RAPGEF4: variants seen among roughly 807,000 people sequenced by gnomAD.
The protein encoded by RAPGEF4 is Rap guanine nucleotide exchange factor 4, also known as RAP guanine-nucleotide-exchange factor (GEF) 4.
RAPGEF4 carries 66 observed loss-of-function variants against 147.9 expected under a neutral mutation model. The ratio of observed to expected loss-of-function variants is 0.45; its 90% confidence interval spans 0.37 to 0.55. RAPGEF4 has a LOEUF of 0.55. Among genes scored for constraint, RAPGEF4 ranks in the 20% least tolerant of loss-of-function variants. The probability of loss-of-function intolerance (pLI) is 0.00; values close to 1 mark genes in which losing one functional copy is unlikely to be tolerated. For missense variants in RAPGEF4, 1,071 were observed against 1,257.3 expected, an observed-to-expected ratio of 0.85 and a Z score of 2.24; for synonymous variants, 419 against 442.7, an observed-to-expected ratio of 0.95 and a Z score of 0.67.
chr2:172,837,390 G>A (rs1391168496), intron 4 of RAPGEF4, among the ~76,000 whole-genome samples: 1 of 152,062 alleles, frequency 6.6e-6, no homozygotes, highest in Non-Finnish European at 1.5e-5. Flanking sequence ...GAAAGAGTTA[G>A]GATTTAAACT....
intron 4 of RAPGEF4, among the ~76,000 whole-genome samples, chr2:172,820,568 T>C (rs575626237): frequency 4.7e-4 from 72 of 152,330 alleles, no homozygotes; most frequent in African/African-American, 1.6e-3. Context: ...GAGCCGTTGC[T>C]TGGATATAAT....
intron 4 of RAPGEF4, among the ~76,000 whole-genome samples, chr2:172,881,335 G>A (rs1298885350): frequency 6.6e-6 from 1 of 152,122 alleles, no homozygotes; most frequent in Non-Finnish European, 1.5e-5. Flanking sequence ...GCTTGATGAG[G>A]CTCTTACTGA....
chr2:172,967,477 T>A, intron 10 of RAPGEF4, 33 bp downstream of exon 10: 1 of 1,593,150 alleles, frequency 6.3e-7, no homozygotes, highest in Non-Finnish European at 8.5e-7. Context: ...CCCCTCCAGG[T>A]CCCAAGGCCG....
chr2:172,818,562 G>A (rs551933493), intron 4 of RAPGEF4, among the ~76,000 whole-genome samples: 1 of 152,080 alleles, frequency 6.6e-6, no homozygotes, highest in Non-Finnish European at 1.5e-5. Flanking sequence ...GGAATGTCCT[G>A]GTGGGCTCAT....
At chr2:173,037,382 G>A (rs1234081743) in intron 29 of RAPGEF4, among the ~76,000 whole-genome samples, 2 of 152,002 alleles carry the variant, frequency 1.3e-5, no homozygotes, top group African/African-American at 4.8e-5. Flanking sequence ...CACTGCGCCT[G>A]GCCTAGAAAA....
At chr2:172,991,137 G>A (rs2105737526) in intron 15 of RAPGEF4, among the ~76,000 whole-genome samples, 3 of 152,266 alleles carry the variant, frequency 2.0e-5, no homozygotes, top group South Asian at 4.1e-4. Context: ...AGTAATTCGG[G>A]AGAGAATATT....
intron 1 of RAPGEF4, among the ~76,000 whole-genome samples, chr2:172,778,830 G>A (rs1054338787): frequency 2.0e-5 from 3 of 152,200 alleles, no homozygotes; most frequent in Admixed American, 2.0e-4. Context: ...GGATCTCACA[G>A]GAAGTCCTGG....
At chr2:172,887,257 A>G (rs1052869280) in intron 4 of RAPGEF4, among the ~76,000 whole-genome samples, 1 of 152,214 alleles carries the variant, frequency 6.6e-6, no homozygotes, top group Non-Finnish European at 1.5e-5. Flanking sequence ...GTAAAGAAAG[A>G]TAATAGCTTT....
At chr2:172,850,156 T>A (rs1022412517) in intron 4 of RAPGEF4, among the ~76,000 whole-genome samples, 1 of 152,154 alleles carries the variant, frequency 6.6e-6, no homozygotes, top group Non-Finnish European at 1.5e-5. Flanking sequence ...ATCTTAAAGA[T>A]AAAAGCATCT....
chr2:172,952,828 A>T (rs1480675867), intron 6 of RAPGEF4, among the ~76,000 whole-genome samples: 1 of 152,230 alleles, frequency 6.6e-6, no homozygotes, highest in Non-Finnish European at 1.5e-5. Context: ...ATCTAATTGA[A>T]GCTGCCTCTC....
intron 4 of RAPGEF4, among the ~76,000 whole-genome samples, chr2:172,911,514 A>G (rs547530758): frequency 6.6e-6 from 1 of 152,170 alleles, no homozygotes; most frequent in South Asian, 2.1e-4. Context: ...TCTGGAGTAC[A>G]GTGGTGCAAC....
chr2:172,943,223 A>C (rs1264321385), intron 6 of RAPGEF4, among the ~76,000 whole-genome samples: 1 of 152,198 alleles, frequency 6.6e-6, no homozygotes, highest in East Asian at 1.9e-4. Flanking sequence ...ACTTTGAAGC[A>C]GTGGTAAGGA....
chr2:173,023,652 GT>G (rs1696337127), intron 23 of RAPGEF4, among the ~76,000 whole-genome samples: 1 of 152,210 alleles, frequency 6.6e-6, no homozygotes, highest in South Asian at 2.1e-4. Flanking sequence ...TCTCAAAAGG[GT>G]TGCAGGAGTG....
chr2:172,918,363 T>C (rs1684321333), intron 5 of RAPGEF4, among the ~76,000 whole-genome samples: 1 of 83,656 alleles, frequency 1.2e-5, no homozygotes, highest in Non-Finnish European at 2.2e-5. Context: ...GAACTTTAGA[T>C]GCTCTTACCA....
At chr2:172,872,314 G>C (rs1239051214) in intron 4 of RAPGEF4, among the ~76,000 whole-genome samples, 1 of 152,116 alleles carries the variant, frequency 6.6e-6, no homozygotes, top group Non-Finnish European at 1.5e-5. Context: ...CTGACTCCTG[G>C]TGAATAATCT....
At chr2:172,795,739 A>C (rs1476194160) in intron 2 of RAPGEF4, among the ~76,000 whole-genome samples, 2 of 152,238 alleles carry the variant, frequency 1.3e-5, no homozygotes, top group Non-Finnish European at 2.9e-5. Context: ...GAAGAAAAAA[A>C]AATCAATTAC....
rs55703709 is a variant in RAPGEF4, at chr2:172,753,399, C to CTT, written c.65+17362_65+17363dup. 2.0e-3 allele frequency among the ~76,000 whole-genome samples: 289 copies of CTT among 145,012 alleles called. 2 individuals carry two copies. Among genetic ancestry groups the CTT allele is most frequent in the Admixed American group, 5.8e-3 (85 of 14,552 alleles). On this transcript the variant is annotated intron_variant, in intron 1 of 30. Coordinates refer to ENST00000397081, the MANE Select transcript of RAPGEF4 (RefSeq NM_007023.4). ...TTAGTTGAACTAAAACCTTGATTTT[C>CTT]TTTTTTTTTTTTAATTTACCTACAA...
chr2:172,846,320 A>T (rs114944125), intron 4 of RAPGEF4, among the ~76,000 whole-genome samples: 2 of 152,132 alleles, frequency 1.3e-5, no homozygotes, highest in Non-Finnish European at 2.9e-5. Flanking sequence ...TGGACATTTC[A>T]TAGAAGTGAA....
At chr2:173,027,054 G>A (rs781055467) in intron 24 of RAPGEF4, 27 bp from the exon 25 acceptor site, 16 of 1,547,264 alleles carry the variant, frequency 1.0e-5, no homozygotes, top group African/African-American at 1.4e-5. Context: ...AAAAAAATAA[G>A]CAAAATTGTT....
Sources: gnomAD v4.1 joint callset for allele counts (sites outside exome capture counted in the v4.1 genomes callset) on GRCh38, gnomAD v4.1.1 for gene constraint, MANE v1.5 for transcripts, NCBI Gene and HGNC (gene_info 2026-07-23, HGNC 2026-07-21) for gene names.